The following CPED1 variants were observed in gnomAD, a reference collection of about 807,000 sequenced individuals.
The protein encoded by CPED1 is cadherin-like and PC-esterase domain-containing protein 1.
A neutral mutation model predicts 128.2 loss-of-function variants in CPED1; 114 were observed. That is an observed-to-expected ratio of 0.89 (90% CI 0.76 to 1.04). CPED1 has a LOEUF of 1.04. Ranked by LOEUF, CPED1 falls within the 50% of genes least tolerant of loss-of-function variation. The pLI is 0.00. For missense variants in CPED1, 1,211 were observed against 1,207.1 expected, an observed-to-expected ratio of 1.00 and a Z score of -0.05; for synonymous variants, 462 against 426.7, an observed-to-expected ratio of 1.08 and a Z score of -1.02.
chr7:121,159,052 CAT>C (rs1179027008), intron 16 of CPED1, among the ~76,000 whole-genome samples: 8 of 152,170 alleles, frequency 5.3e-5, no homozygotes, highest in South Asian at 2.1e-4. Context: ...GTTACTGAAA[CAT>C]GTGTAAACAA....
intron 7 of CPED1, among the ~76,000 whole-genome samples, chr7:121,113,003 G>A (rs1239876948): frequency 6.6e-6 from 1 of 152,152 alleles, no homozygotes; most frequent in Non-Finnish European, 1.5e-5. Flanking sequence ...TCGACTAAAA[G>A]AGAAGTAAGT....
chr7:121,131,279 C>G (rs1034636590), intron 12 of CPED1, among the ~76,000 whole-genome samples: 2 of 151,964 alleles, frequency 1.3e-5, no homozygotes, highest in African/African-American at 4.8e-5. Flanking sequence ...CCTTATTTGC[C>G]ATGGCTTTAA....
chr7:121,069,600 A>G lies in CPED1; in HGVS notation c.616+5287A>G, dbSNP rs538248987. 3.3e-4 allele frequency among the ~76,000 whole-genome samples: 51 copies of G among 152,268 alleles called. No individual in the cohort carries two copies. The South Asian group carries it at 8.3e-3, about 25-fold the overall frequency. On this transcript the variant is annotated intron_variant, in intron 5 of 22. Transcript: ENST00000310396. ...ACCTGACATTAGACTTGTGACTCAC[A>G]TTGAAGGGCACACATCCACGGAATT... is the stretch of plus-strand genomic sequence containing the variant.
At chr7:121,102,935 C>T (rs1202023478) in intron 7 of CPED1, among the ~76,000 whole-genome samples, 1 of 152,174 alleles carries the variant, frequency 6.6e-6, no homozygotes, top group East Asian at 1.9e-4. Flanking sequence ...TCTCATTTCA[C>T]CTGGGCTAGT....
chr7:121,293,230 A>G (rs757402597), intron 22 of CPED1, among the ~76,000 whole-genome samples: 1 of 152,082 alleles, frequency 6.6e-6, no homozygotes, highest in Non-Finnish European at 1.5e-5. Flanking sequence ...AGAGAGGAGG[A>G]ATCTAGAGAA....
At chr7:121,039,650 AGC>A (rs1480279019) in intron 3 of CPED1, among the ~76,000 whole-genome samples, 1 of 152,080 alleles carries the variant, frequency 6.6e-6, no homozygotes, top group African/African-American at 2.4e-5. Context: ...TAAAAATGTA[AGC>A]ACGCATACCC....
At chr7:121,091,188 G>A (rs1182381704) in intron 5 of CPED1, among the ~76,000 whole-genome samples, 2 of 150,774 alleles carry the variant, frequency 1.3e-5, no homozygotes, top group Non-Finnish European at 1.5e-5. Flanking sequence ...AAAAAAAATT[G>A]CAGTAACTGA....
intron 2 of CPED1, among the ~76,000 whole-genome samples, chr7:120,990,581 C>T (rs1327611453): frequency 6.6e-6 from 1 of 152,062 alleles, no homozygotes; most frequent in Admixed American, 6.6e-5. Flanking sequence ...CCACTCTCCT[C>T]ATGCCTATCA....
At chr7:121,085,365 G>C (rs1183964319) in intron 5 of CPED1, among the ~76,000 whole-genome samples, 1 of 152,108 alleles carries the variant, frequency 6.6e-6, no homozygotes, top group South Asian at 2.1e-4. Flanking sequence ...TCCAAAGCCT[G>C]AATAAGTAAA....
At chr7:121,087,667 GTT>G (rs1306777472) in intron 5 of CPED1, among the ~76,000 whole-genome samples, 1 of 139,112 alleles carries the variant, frequency 7.2e-6, no homozygotes, top group Admixed American at 7.1e-5. Flanking sequence ...TTTCTTTCCT[GTT>G]TTTTTTTTTT....
chr7:121,055,381 C>T (rs1220702839), intron 4 of CPED1, among the ~76,000 whole-genome samples: 2 of 151,842 alleles, frequency 1.3e-5, no homozygotes, highest in African/African-American at 2.4e-5. Flanking sequence ...GATAAATTTC[C>T]TGCCTTCAGG....
At chr7:121,150,752 CATTATTATT>C (rs10617585) in intron 16 of CPED1, among the ~76,000 whole-genome samples, 11 of 116,384 alleles carry the variant, frequency 9.5e-5, no homozygotes, top group Admixed American at 1.1e-4. Context: ...GAGTCTAAAA[CATTATTATT>C]ATTATTATTA....
At position 121,278,839 on chromosome 7, in the gene CPED1, G is replaced by A. The variant is rs539724591; in HGVS notation, c.2868+7409G>A. 1.2e-4 allele frequency among the ~76,000 whole-genome samples: 18 copies of A among 152,232 alleles called. No homozygotes were observed. The South Asian group carries it at 3.7e-3, about 32-fold the overall frequency. ...AATGGAGGGTCAACAAACAGTGAAAGTAACTTATGTTGAACTACTATTATG... is the reference window on the plus strand; with the variant it reads ...AATGGAGGGTCAACAAACAGTGAAAATAACTTATGTTGAACTACTATTATG... On this transcript the variant is annotated intron_variant, in intron 22 of 22. Transcript: ENST00000310396.
intron 6 of CPED1, 86 bp downstream of exon 6, chr7:121,097,917 G>GT (rs2116214210): frequency 1.5e-6 from 2 of 1,291,418 alleles, no homozygotes; most frequent in East Asian, 4.9e-5. Context: ...GATATGGGGG[G>GT]TTCACATGTG....
intron 2 of CPED1, among the ~76,000 whole-genome samples, chr7:121,005,194 C>T (rs965460589): frequency 1.8e-4 from 28 of 152,206 alleles, no homozygotes; most frequent in African/African-American, 6.3e-4. Context: ...GTTTTCTGTT[C>T]CTGTGTTAGT....
intron 7 of CPED1, among the ~76,000 whole-genome samples, chr7:121,114,690 G>A (rs951524259): frequency 1.6e-4 from 25 of 152,188 alleles, no homozygotes; most frequent in Non-Finnish European, 2.9e-5. Context: ...TAAGTTAGAT[G>A]ACTTGCAATT....
intron 9 of CPED1, among the ~76,000 whole-genome samples, chr7:121,126,536 AAAGG>A (rs1350127579): frequency 6.6e-6 from 1 of 152,136 alleles, no homozygotes; most frequent in Non-Finnish European, 1.5e-5. Context: ...GGGTGGGAAA[AAAGG>A]AAGAAGGGGA....
At chr7:121,229,410 G>T (rs17284876) in intron 16 of CPED1, among the ~76,000 whole-genome samples, 18,736 of 151,890 alleles carry the variant, frequency 0.12, 1,492 homozygotes, top group Middle Eastern at 0.18. Context: ...GTGTTATCTT[G>T]CTTCTCAGCA....
chr7:121,006,575 T>C (rs911301278), intron 2 of CPED1, among the ~76,000 whole-genome samples: 11 of 151,982 alleles, frequency 7.2e-5, no homozygotes, highest in African/African-American at 2.7e-4. Flanking sequence ...GTGATTTTCA[T>C]TGGCTCCAAA....
Sources: gnomAD v4.1 joint callset for allele counts (sites outside exome capture counted in the v4.1 genomes callset) on GRCh38, gnomAD v4.1.1 for gene constraint, MANE v1.5 for transcripts, NCBI Gene and HGNC (gene_info 2026-07-23, HGNC 2026-07-21) for gene names.